The following IQCF3 variants were observed in gnomAD, a reference collection of about 807,000 sequenced individuals.
The protein encoded by IQCF3 is IQ motif containing F3, also known as IQ domain-containing protein F3.
A neutral mutation model predicts 5.1 loss-of-function variants in IQCF3; 7 were observed. That is an observed-to-expected ratio of 1.36 (90% CI 0.78 to 2.56). The LOEUF is 2.56. Ranked by LOEUF, IQCF3 falls within the 30% of genes most tolerant of loss-of-function variation. The pLI, the probability that IQCF3 is intolerant of heterozygous loss-of-function variation, is 0.00. For missense variants in IQCF3, 189 were observed against 196.5 expected (o/e 0.96, Z 0.23); for synonymous variants, 82 against 72.8 (o/e 1.13, Z -0.64).
chr3:51,829,775 T>C, intron 2 of IQCF3, 63 bp downstream of exon 2: 2 of 1,511,620 alleles, frequency 1.3e-6, no homozygotes, highest in Admixed American at 1.8e-5. Context: ...CCAGAGTTCT[T>C]AGAATGGAGA....
Position 51,830,374 on chromosome 3 carries a change from A to G in IQCF3, c.67-29A>G. On this transcript the variant is annotated intron_variant, in intron 2 of 2. Transcript: ENST00000440739. This position sits in a 1 kb window ranked among gnomAD's most constrained non-coding sequence, Gnocchi z 4.1. ...ACCTGTGCTTGATGGTGATAAATTCACTGGGAGTCCTCTGCTTTGCTTGGC... is the reference window on the plus strand; with the variant it reads ...ACCTGTGCTTGATGGTGATAAATTCGCTGGGAGTCCTCTGCTTTGCTTGGC... 1 of 1,517,136 alleles carries G rather than the reference A, an allele frequency of 6.6e-7. No individual in the cohort carries two copies. The highest frequency in any genetic ancestry group is 1.3e-5 in the South Asian group (1 of 75,094). The allele number at this position is 1,517,136 out of a possible 1,614,324, so 94.0% of individuals were successfully genotyped here.
chr3:51,829,558 G>A (rs1221416865), intron 1 of IQCF3, 65 bp downstream of exon 1: 2 of 1,592,138 alleles, frequency 1.3e-6, no homozygotes, highest in East Asian at 4.6e-5. Context: ...GAAAGCACCA[G>A]GCCACTTCTT....
Position 51,830,265 on chromosome 3 carries a change from C to A in IQCF3, c.67-138C>A. On this transcript the variant is annotated intron_variant, in intron 2 of 2. Transcript: ENST00000440739. The surrounding 1 kb of genome is among the most constrained non-coding windows in gnomAD (Gnocchi z 4.1). ...CTGTGAGGGTGTCCAGAGCCATGAA[C>A]AGGACAGAAGTAGAGGACAAACCCC... is the stretch of plus-strand genomic sequence containing the variant. 1 of 842,228 alleles carries A rather than the reference C, an allele frequency of 1.2e-6. No homozygotes were observed. Among genetic ancestry groups the A allele is most frequent in the Non-Finnish European group, 1.8e-6 (1 of 551,670 alleles). The allele number at this position is 842,228 out of a possible 1,614,324, so 52.2% of individuals were successfully genotyped here. A position where few individuals can be genotyped will look rare whatever the true frequency, so the allele number is the denominator to read the frequency against.
At chr3:51,829,210 T>C (rs930734925), upstream of IQCF3, 24 of 521,448 alleles carry the variant, frequency 4.6e-5, no homozygotes, top group South Asian at 3.3e-4. Context: ...AAGGCAACCA[T>C]GAAAAAAGTT....
At chr3:51,828,269 T>C (rs977782506), upstream of IQCF3, 7 of 152,230 alleles carry the variant, frequency 4.6e-5, no homozygotes, top group Admixed American at 3.9e-4. Context: ...GCGGAATGCT[T>C]TCAGCTTTTG....
In IQCF3 at chr3:51,829,458, G is replaced by C; in HGVS notation, c.-18G>C. The C allele has an allele frequency of 6.3e-7, 1 of 1,595,444 alleles. No individual in the cohort carries two copies. Among genetic ancestry groups the C allele is most frequent in the Non-Finnish European group, 8.5e-7 (1 of 1,171,014 alleles). ...AGCAACCAGAGGGAGATGATCACCT[G>C]AACCACTGCTCCAAACCATGGGCAG... is the stretch of plus-strand genomic sequence containing the variant. On this transcript the variant is annotated 5_prime_UTR_variant, in exon 1 of 3. An upstream open reading frame in the 5' UTR loses its in-frame stop. Coordinates refer to ENST00000440739, the MANE Select transcript of IQCF3 (RefSeq NM_001393887.1).
rs903706677 is a variant in IQCF3 at position 51,829,502 on chromosome 3, C to G, written c.18+9C>G. On this transcript the variant is annotated intron_variant, in intron 1 of 2. Coordinates refer to ENST00000440739, the MANE Select transcript of IQCF3 (RefSeq NM_001393887.1). ...TGGGCAGTAAATGCTGTGTAAGACT[C>G]AGGCACACAAACTCCCCCAGGGGTG... The G allele has an allele frequency of 6.3e-7, 1 of 1,597,868 alleles. No individual in the cohort carries two copies. Among genetic ancestry groups the G allele is most frequent in the Admixed American group, 1.7e-5 (1 of 57,550 alleles).
In IQCF3 at chr3:51,830,557, G is replaced by A. The variant is rs377591770; in HGVS notation, c.221G>A (p.Arg74Gln). ...QCWWRTLVQR[R>Q]IRQRRQALLR... ...TGGTGGAGGACGTTGGTGCAGAGAC[G>A]GATCCGTCAGCGGCGGCAGGCCCTG... Residue 74 changes from arginine to glutamine, a missense_variant, in exon 3 of 3, where the codon CGG becomes CAG. Arg to Gln is a conservative substitution (Grantham distance 43). Coordinates refer to ENST00000440739, the MANE Select transcript of IQCF3 (RefSeq NM_001393887.1). The surrounding 1 kb of genome is among the most constrained non-coding windows in gnomAD (Gnocchi z 4.1). 8.5e-5 allele frequency: 137 copies of A among 1,613,836 alleles called. No homozygotes were observed. The highest frequency in any genetic ancestry group is 6.9e-4 in the South Asian group (63 of 91,080).
chr3:51,829,765 C>T, intron 2 of IQCF3, 53 bp downstream of exon 2: 1 of 1,551,860 alleles, frequency 6.4e-7, no homozygotes, highest in Non-Finnish European at 8.9e-7. Context: ...CTCTTTGATC[C>T]CAGAGTTCTT....
intron 2 of IQCF3, 171 bp downstream of exon 2, chr3:51,829,883 A>C: frequency 1.5e-6 from 1 of 664,420 alleles, no homozygotes; most frequent in South Asian, 1.9e-5. Context: ...AAGGGGAGGA[A>C]GTTTCGTGCG....
chr3:51,830,816 G>A lies in IQCF3; in HGVS notation c.*15G>A. 1.2e-5 allele frequency: 18 copies of A among 1,552,504 alleles called. No individual in the cohort carries two copies. Among genetic ancestry groups the A allele is most frequent in the Non-Finnish European group, 1.6e-5 (18 of 1,147,578 alleles). ...TATCAATCTGAAAGGCCTGGGGCAT[G>A]GAGAACAGGCTGCACTACCCTAATA... On this transcript the variant is annotated 3_prime_UTR_variant, in exon 3 of 3. Transcript: ENST00000440739. The surrounding 1 kb of genome is among the most constrained non-coding windows in gnomAD (Gnocchi z 4.1).
Position 51,830,281 on chromosome 3 carries a change from G to GACAA in IQCF3, c.67-119_67-116dup, listed in dbSNP as rs1698347913. On this transcript the variant is annotated intron_variant, in intron 2 of 2. Coordinates refer to ENST00000440739, the MANE Select transcript of IQCF3 (RefSeq NM_001393887.1). This position sits in a 1 kb window ranked among gnomAD's most constrained non-coding sequence, Gnocchi z 4.1. The stretch of plus-strand genomic sequence containing the variant: ...AGCCATGAACAGGACAGAAGTAGAG[G>GACAA]ACAAACCCCACCCAGGTCTCCTGGG... 1 of 1,106,294 alleles carries GACAA rather than the reference G, an allele frequency of 9.0e-7. No homozygotes were observed. The highest frequency in any genetic ancestry group is 2.7e-5 in the Admixed American group (1 of 36,586). 68.5% of individuals were successfully genotyped at this position (1,106,294 alleles called of 1,614,324 possible).
chr3:51,829,945 G>A, intron 2 of IQCF3: 1 of 563,790 alleles, frequency 1.8e-6, no homozygotes, highest in Non-Finnish European at 3.2e-6. Flanking sequence ...AGGCCCAGGA[G>A]AATGAGGAGG....
rs572500189 is a variant in IQCF3 at position 51,829,704 on chromosome 3, C to A, written c.58C>A (p.Arg20=). The change falls in exon 2 of 3, where the codon CGG becomes AGG. Residue 20 remains arginine, a synonymous_variant. Transcript: ENST00000440739. ...TGAAGATGCAGTAGAAAGACAGAGG[C>A]GGCAGAAGGTAGGTGGGGCCCAGGA... is the stretch of plus-strand genomic sequence containing the variant. ...PDEDAVERQR[R]QKLLLAQLHH... is the part of the protein sequence containing the mutation. The A allele has an allele frequency of 6.2e-7, 1 of 1,613,692 alleles. No individual in the cohort carries two copies. The highest frequency in any genetic ancestry group is 1.3e-5 in the African/African-American group (1 of 75,004).
upstream of IQCF3, among the ~76,000 whole-genome samples, chr3:51,827,787 T>C (rs1268840769): frequency 6.6e-6 from 1 of 152,136 alleles, no homozygotes; most frequent in East Asian, 1.9e-4. Flanking sequence ...ACTCAATAGT[T>C]ACTTTTCTGC....
intron 1 of IQCF3, 78 bp downstream of exon 1, chr3:51,829,571 G>T: frequency 1.9e-6 from 3 of 1,591,614 alleles, no homozygotes; most frequent in South Asian, 1.1e-5. Context: ...CACTTCTTAG[G>T]ACCCAGGCAA....
rs1030569900 is a variant in IQCF3 at position 51,830,211 on chromosome 3, T to C, written c.67-192T>C. On this transcript the variant is annotated intron_variant, in intron 2 of 2. Coordinates refer to ENST00000440739, the MANE Select transcript of IQCF3 (RefSeq NM_001393887.1). This position sits in a 1 kb window ranked among gnomAD's most constrained non-coding sequence, Gnocchi z 4.1. The stretch of plus-strand genomic sequence containing the variant: ...CCGAGAAGTCCACAGATCAAACATA[T>C]CCCGATTTCATAGATGAGGGCACTG... Among the ~76,000 whole-genome samples the C allele has an allele frequency of 2.6e-5, 4 of 151,984 alleles. No individual in the cohort carries two copies. Among genetic ancestry groups the C allele is most frequent in the African/African-American group, 7.3e-5 (3 of 41,362 alleles).
At chr3:51,829,608 C>CTT in intron 1 of IQCF3, 57 bp from the exon 2 acceptor site, 1 of 1,605,256 alleles carries the variant, frequency 6.2e-7, no homozygotes, top group South Asian at 1.1e-5. Context: ...CCTGTGGGGA[C>CTT]TTTGCAGTCA....
chr3:51,830,496 C>A lies in IQCF3; in HGVS notation c.160C>A (p.Leu54Met). 2 of 1,613,774 alleles carry A rather than the reference C, an allele frequency of 1.2e-6. No individual in the cohort carries two copies. Among genetic ancestry groups the A allele is most frequent in the South Asian group, 2.2e-5 (2 of 91,066 alleles). ...TGGGGTCCTGGTGCGCAGGACCCTG[C>A]TGGTTGCTGCCCTCAGGGCCTGGAT... ...WRGVLVRRTL[L>M]VAALRAWMIQ... Residue 54 changes from leucine to methionine, a missense_variant, in exon 3 of 3, where the codon CTG becomes ATG. Leu to Met is a conservative substitution (Grantham distance 15). Coordinates refer to ENST00000440739, the MANE Select transcript of IQCF3 (RefSeq NM_001393887.1). This position sits in a 1 kb window ranked among gnomAD's most constrained non-coding sequence, Gnocchi z 4.1.
Sources: allele counts gnomAD v4.1 joint callset (sites outside exome capture counted in the v4.1 genomes callset), GRCh38; gene constraint gnomAD v4.1.1; non-coding constraint Gnocchi (gnomAD v3.1); transcripts MANE v1.5; gene names NCBI Gene and HGNC (gene_info 2026-07-23, HGNC 2026-07-21).